Variants in CADM2 observed in about 807,000 individuals in gnomAD.
CADM2 encodes the protein cell adhesion molecule 2, also known as immunoglobulin superfamily member 4D.
Under a neutral mutation model 49.8 loss-of-function variants are expected in CADM2, and 12 were observed. The ratio of observed to expected loss-of-function variants is 0.24; its 90% CI spans 0.15 to 0.39. The LOEUF (loss-of-function observed/expected upper bound fraction) is 0.39, where lower values mean the gene tolerates loss of function less well. Among genes scored for constraint, CADM2 ranks in the 10% least tolerant of loss-of-function variants. The pLI is 1.00. For missense variants in CADM2, 378 were observed against 492.3 expected (o/e 0.77, Z 2.20); for synonymous variants, 214 against 175.4 (o/e 1.22, Z -1.74).
chr3:85,228,255 G>A (rs956696058), intron 1 of CADM2, among the ~76,000 whole-genome samples: 3 of 151,966 alleles, frequency 2.0e-5, no homozygotes, highest in African/African-American at 7.2e-5. Flanking sequence ...TCACTTTCAG[G>A]TACACCAATC....
At chr3:85,132,841 G>A (rs2107612511) in intron 1 of CADM2, among the ~76,000 whole-genome samples, 1 of 152,268 alleles carries the variant, frequency 6.6e-6, no homozygotes, top group African/African-American at 2.4e-5. Flanking sequence ...ATAATACTGT[G>A]TCCGGAATTG....
intron 1 of CADM2, among the ~76,000 whole-genome samples, chr3:85,086,598 A>C (rs1483887541): frequency 7.0e-6 from 1 of 142,456 alleles, no homozygotes; most frequent in African/African-American, 2.6e-5. Flanking sequence ...GGCAGCCTCC[A>C]CATCTCGGGT....
At chr3:85,593,273 C>T (rs1017289875) in intron 1 of CADM2, among the ~76,000 whole-genome samples, 4 of 151,836 alleles carry the variant, frequency 2.6e-5, no homozygotes, top group Non-Finnish European at 4.4e-5. Context: ...GTGTGCTGCA[C>T]CCATTAACTC....
intron 8 of CADM2, chr3:85,979,365 G>C: frequency 6.8e-7 from 1 of 1,463,812 alleles, no homozygotes; most frequent in Non-Finnish European, 9.2e-7. Flanking sequence ...TAAAAACATT[G>C]AGATTCAATT....
intron 1 of CADM2, among the ~76,000 whole-genome samples, chr3:85,703,377 G>A (rs1177411362): frequency 6.6e-6 from 1 of 152,016 alleles, no homozygotes; most frequent in African/African-American, 2.4e-5. Context: ...GAGAACCATT[G>A]CATAGAGATA....
chr3:85,652,998 C>G (rs753298789), intron 1 of CADM2, among the ~76,000 whole-genome samples: 2 of 151,558 alleles, frequency 1.3e-5, no homozygotes, highest in Non-Finnish European at 2.9e-5. Context: ...TGGTCTCCAA[C>G]TCCTGACCTC....
At chr3:85,449,133 A>G (rs1265489584) in intron 1 of CADM2, among the ~76,000 whole-genome samples, 1 of 150,388 alleles carries the variant, frequency 6.6e-6, no homozygotes, top group Non-Finnish European at 1.5e-5. Context: ...GAATATTTGT[A>G]TAGAATTTTT....
chr3:85,517,986 C>T (rs1299442636), intron 1 of CADM2, among the ~76,000 whole-genome samples: 5 of 152,030 alleles, frequency 3.3e-5, no homozygotes, highest in Non-Finnish European at 7.4e-5. Context: ...ATGCATGACT[C>T]TAGGACACAA....
intron 7 of CADM2, among the ~76,000 whole-genome samples, chr3:85,946,168 T>C (rs946004460): frequency 1.3e-5 from 2 of 151,968 alleles, no homozygotes; most frequent in Admixed American, 1.3e-4. Flanking sequence ...ATGAGTGAAC[T>C]CCCATTCACA....
At chr3:85,907,890 G>A (rs1389581328) in intron 5 of CADM2, among the ~76,000 whole-genome samples, 2 of 149,568 alleles carry the variant, frequency 1.3e-5, no homozygotes, top group Non-Finnish European at 3.0e-5. Flanking sequence ...CAGCCTGGGT[G>A]ACAGAATGAG....
intron 1 of CADM2, among the ~76,000 whole-genome samples, chr3:85,247,148 A>G (rs1260107667): frequency 6.6e-6 from 1 of 152,108 alleles, no homozygotes; most frequent in Non-Finnish European, 1.5e-5. Flanking sequence ...AACACAGCTA[A>G]CTTAAATCAT....
chr3:85,113,792 G>T (rs1270691391), intron 1 of CADM2, among the ~76,000 whole-genome samples: 1 of 150,914 alleles, frequency 6.6e-6, no homozygotes, highest in African/African-American at 2.4e-5. Context: ...GAAAGGGAGA[G>T]GAAGAAGTAC....
chr3:85,822,591 T>TAAATA (rs905494706), intron 3 of CADM2, among the ~76,000 whole-genome samples: 4 of 151,652 alleles, frequency 2.6e-5, no homozygotes, highest in African/African-American at 4.8e-5. Context: ...CTCAAATAAA[T>TAAATA]AAATAAAATA....
chr3:84,982,737 A>ATATATAGG (rs1553663805), intron 1 of CADM2, among the ~76,000 whole-genome samples: 2 of 115,378 alleles, frequency 1.7e-5, no homozygotes, highest in South Asian at 2.9e-4. Context: ...ATATATATAC[A>ATATATAGG]TTTTTTGTTT....
chr3:85,173,260 A>G (rs1472952319), intron 1 of CADM2, among the ~76,000 whole-genome samples: 1 of 152,086 alleles, frequency 6.6e-6, no homozygotes, highest in East Asian at 1.9e-4. Context: ...TACGGAGGAG[A>G]CAATTACTAC....
intron 1 of CADM2, among the ~76,000 whole-genome samples, chr3:85,637,329 G>A (rs909388893): frequency 2.0e-5 from 3 of 151,944 alleles, no homozygotes; most frequent in African/African-American, 7.2e-5. Flanking sequence ...TTGGCCGGGC[G>A]CGGTGGCTCA....
At chr3:85,852,085 C>T (rs1160998688) in intron 3 of CADM2, among the ~76,000 whole-genome samples, 1 of 152,064 alleles carries the variant, frequency 6.6e-6, no homozygotes, top group Non-Finnish European at 1.5e-5. Flanking sequence ...ACTGTTCTTT[C>T]CATCCACATA....
At chr3:85,941,122 A>G (rs145611510) in intron 7 of CADM2, among the ~76,000 whole-genome samples, 160 of 152,246 alleles carry the variant, frequency 1.1e-3, no homozygotes, top group African/African-American at 3.8e-3. Flanking sequence ...GATTGTTTTA[A>G]TAATGACAGT....
chr3:85,660,925 A>C (rs1051760337), intron 1 of CADM2, among the ~76,000 whole-genome samples: 2 of 151,900 alleles, frequency 1.3e-5, no homozygotes, highest in African/African-American at 4.8e-5. Flanking sequence ...AAAAAAAAAA[A>C]ACAGAAGCAC....
Sources: allele counts gnomAD v4.1 joint callset (sites outside exome capture counted in the v4.1 genomes callset), GRCh38; gene constraint gnomAD v4.1.1; transcripts MANE v1.5; gene names NCBI Gene and HGNC (gene_info 2026-07-23, HGNC 2026-07-21).